Variants in DNAJC17 observed in about 807,000 individuals in gnomAD.
DNAJC17 encodes the protein dnaJ homolog subfamily C member 17.
Under a neutral mutation model 48.1 loss-of-function variants are expected in DNAJC17, and 35 were observed. That is an observed-to-expected ratio of 0.73 (90% confidence interval 0.56 to 0.96). The LOEUF (loss-of-function observed/expected upper bound fraction) is 0.96. DNAJC17 is among the 50% of genes least tolerant of loss of function. The pLI, the probability that DNAJC17 is intolerant of heterozygous loss-of-function variation, is 0.00. For missense variants in DNAJC17, 355 were observed against 377.1 expected (o/e 0.94, Z 0.48); for synonymous variants, 117 against 142.7 (o/e 0.82, Z 1.28).
In DNAJC17 at chr15:40,770,507, G is replaced by A; in HGVS notation, c.793-2445C>T. On this transcript the variant is annotated intron_variant, in intron 10 of 10. Transcript: ENST00000220496. The surrounding 1 kb of genome is among the most constrained non-coding windows in gnomAD (Gnocchi z 5.0). ...CTCCCCTGGGCCCCATGGAGACCTG[G>A]CGGAAAGGCTCCTTCCGCAACGCCT... The A allele has an allele frequency of 6.5e-7, 1 of 1,549,690 alleles. No individual in the cohort carries two copies. The highest frequency in any genetic ancestry group is 8.7e-7 in the Non-Finnish European group (1 of 1,146,630).
intron 10 of DNAJC17, 21 bp downstream of exon 10, chr15:40,773,706 G>A (rs371464849): frequency 8.7e-5 from 139 of 1,594,634 alleles, no homozygotes; most frequent in Non-Finnish European, 1.1e-4. Flanking sequence ...GCGCCCAGCC[G>A]GGCGAGGCCT....
chr15:40,802,177 T>C (rs900967338), intron 1 of DNAJC17, among the ~76,000 whole-genome samples: 14 of 151,378 alleles, frequency 9.2e-5, no homozygotes, highest in African/African-American at 3.2e-4. Flanking sequence ...AATTTTTTTT[T>C]TTTTTTTTTT....
rs118079000 is a variant in DNAJC17 at position 40,806,834 on chromosome 15, G to A, written c.78+535C>T. On this transcript the variant is annotated intron_variant, in intron 1 of 10. Transcript: ENST00000220496. ...CACTAACTAGCACATGCTGAGAAGG[G>A]CATCAGCTACTTGAAAAGAGTCAAT... is the stretch of plus-strand genomic sequence containing the variant. Among the ~76,000 whole-genome samples the A allele has an allele frequency of 1.4e-3, 210 of 152,316 alleles. 3 individuals carry two copies. The East Asian group carries it at 0.026, about 19-fold the overall frequency.
At chr15:40,806,718 T>C (rs1221342890) in intron 1 of DNAJC17, among the ~76,000 whole-genome samples, 1 of 152,126 alleles carries the variant, frequency 6.6e-6, no homozygotes, top group Admixed American at 6.5e-5. Flanking sequence ...GCTTGATCAG[T>C]GTTTCACTCC....
At chr15:40,787,277 C>T (rs764064421) in intron 1 of DNAJC17, among the ~76,000 whole-genome samples, 3 of 152,190 alleles carry the variant, frequency 2.0e-5, no homozygotes, top group African/African-American at 4.8e-5. Context: ...TCCCCAGGGT[C>T]CAGAACAGTG....
At chr15:40,783,460 G>A (rs934213044) in intron 1 of DNAJC17, among the ~76,000 whole-genome samples, 1 of 151,970 alleles carries the variant, frequency 6.6e-6, no homozygotes, top group Non-Finnish European at 1.5e-5. Context: ...GGCATCACCT[G>A]CAACACTACC....
intron 5 of DNAJC17, 55 bp downstream of exon 5, chr15:40,776,487 C>T (rs1431278094): frequency 6.3e-7 from 1 of 1,597,396 alleles, no homozygotes; most frequent in African/African-American, 1.3e-5. Context: ...GGTCCATCCT[C>T]CCCCACCTCC....
intron 1 of DNAJC17, among the ~76,000 whole-genome samples, chr15:40,803,101 CAA>C (rs780051630): frequency 2.1e-3 from 96 of 45,382 alleles, no homozygotes; most frequent in Admixed American, 2.4e-3. Context: ...GACCCTGGGT[CAA>C]AAAAAAAAAA....
At chr15:40,790,393 G>C (rs1001445801) in intron 1 of DNAJC17, among the ~76,000 whole-genome samples, 6 of 152,108 alleles carry the variant, frequency 3.9e-5, no homozygotes, top group Non-Finnish European at 7.4e-5. Context: ...GGCCAACATG[G>C]TGAAACCCCG....
At chr15:40,774,155 C>G (rs553532060) in intron 9 of DNAJC17, 1 of 641,156 alleles carries the variant, frequency 1.6e-6, no homozygotes, top group Non-Finnish European at 2.7e-6. Flanking sequence ...CCTTTCTCCC[C>G]AGAGCACCCC....
rs1270308169 is a variant in DNAJC17 at position 40,775,656 on chromosome 15, G to A, written c.479-60C>T. ...TGAGGGAGTCAGAGATTCTCCCAAA[G>A]GAAATGCAGCCCAGAGCAAGAAGGG... is the stretch of plus-strand genomic sequence containing the variant. On this transcript the variant is annotated intron_variant, in intron 6 of 10. Transcript: ENST00000220496. 53 of 1,553,194 alleles carry A rather than the reference G, an allele frequency of 3.4e-5. No homozygotes were observed. In the Admixed American group the frequency reaches 8.5e-4, roughly 25 times the overall value.
intron 8 of DNAJC17, 30 bp downstream of exon 8, chr15:40,775,001 T>G: frequency 6.2e-7 from 1 of 1,612,414 alleles, no homozygotes; most frequent in Non-Finnish European, 8.5e-7. Context: ...ACTGAGATGA[T>G]AGGAAAGAGT....
intron 1 of DNAJC17, among the ~76,000 whole-genome samples, chr15:40,796,096 T>G (rs1212441799): frequency 6.6e-6 from 1 of 152,190 alleles, no homozygotes; most frequent in Non-Finnish European, 1.5e-5. Flanking sequence ...TTACTCTCAG[T>G]CTAATAATTT....
intron 1 of DNAJC17, among the ~76,000 whole-genome samples, chr15:40,788,696 A>C (rs1197370970): frequency 3.1e-4 from 1 of 3,258 alleles, no homozygotes; most frequent in African/African-American, 7.8e-3. Flanking sequence ...ACTCTGTCTC[A>C]AAAAAAAAAA....
chr15:40,779,145 G>T, intron 4 of DNAJC17, 78 bp downstream of exon 4: 1 of 1,428,836 alleles, frequency 7.0e-7, no homozygotes, highest in Non-Finnish European at 9.9e-7. Flanking sequence ...GTTGCTGGAA[G>T]TGAAGCTTCA....
intron 1 of DNAJC17, among the ~76,000 whole-genome samples, chr15:40,782,312 T>C (rs1889524496): frequency 6.6e-6 from 1 of 152,016 alleles, no homozygotes; most frequent in Non-Finnish European, 1.5e-5. Context: ...TACCAGCTAC[T>C]AAGGAGGTTG....
chr15:40,780,729 G>C (rs1412375325), intron 1 of DNAJC17, among the ~76,000 whole-genome samples: 2 of 151,732 alleles, frequency 1.3e-5, no homozygotes, highest in Non-Finnish European at 2.9e-5. Flanking sequence ...CAGGAGAATC[G>C]CTTGAACCGA....
At chr15:40,780,407 T>C in intron 1 of DNAJC17, 1 of 448,764 alleles carries the variant, frequency 2.2e-6, no homozygotes, top group Admixed American at 2.4e-5. Flanking sequence ...TTGACCCAAG[T>C]CCTAGGAATC....
intron 4 of DNAJC17, among the ~76,000 whole-genome samples, chr15:40,778,330 T>C (rs1322168254): frequency 6.6e-6 from 1 of 152,188 alleles, no homozygotes; most frequent in East Asian, 1.9e-4. Flanking sequence ...CTCAGCTCAC[T>C]GCAACCTCTG....
Sources: gnomAD v4.1 joint callset for allele counts (sites outside exome capture counted in the v4.1 genomes callset) on GRCh38, gnomAD v4.1.1 for gene constraint, Gnocchi (gnomAD v3.1) non-coding constraint, MANE v1.5 for transcripts, NCBI Gene and HGNC (gene_info 2026-07-23, HGNC 2026-07-21) for gene names.